The following GNB5 variants were observed in gnomAD, a reference collection of about 807,000 sequenced individuals.
GNB5 encodes the protein G protein subunit beta 5.
A neutral mutation model predicts 55.3 loss-of-function variants in GNB5; 37 were observed. The observed-to-expected ratio is 0.67, with a 90% CI of 0.51 to 0.88. The LOEUF is 0.88. Among genes scored for constraint, GNB5 ranks in the 40% least tolerant of loss-of-function variants. The pLI, the probability that GNB5 is intolerant of heterozygous loss-of-function variation, is 0.00. For synonymous variants in GNB5, 219 were observed against 198.5 expected (o/e 1.10, Z -0.87); for missense variants, 476 against 515.3 (o/e 0.92, Z 0.74).
At chr15:52,153,912 C>T (rs749378809) in intron 4 of GNB5, 28 bp downstream of exon 4, 14 of 1,594,072 alleles carry the variant, frequency 8.8e-6, no homozygotes, top group Non-Finnish European at 1.7e-6. Flanking sequence ...AAAACCCGCT[C>T]ACCTGTTATG....
chr15:52,128,817 T>C (rs1596055724), intron 9 of GNB5: 2 of 445,902 alleles, frequency 4.5e-6, no homozygotes. Context: ...ATTACTGCTA[T>C]AGTCATTGTC....
intron 1 of GNB5, among the ~76,000 whole-genome samples, chr15:52,185,245 G>A (rs1312696455): frequency 5.3e-5 from 8 of 152,254 alleles, no homozygotes; most frequent in African/African-American, 1.9e-4. Context: ...ACAGGCCCAG[G>A]CCGCTGCAGG....
chr15:52,141,382 A>G (rs1043728350), intron 6 of GNB5, 110 bp from the exon 7 acceptor site: 21 of 808,900 alleles, frequency 2.6e-5, no homozygotes, highest in Middle Eastern at 4.8e-4. Context: ...AGTATCATAT[A>G]TTGTACCCTT....
intron 2 of GNB5, 117 bp from the exon 3 acceptor site, chr15:52,179,996 C>T (rs1393443193): frequency 2.4e-6 from 3 of 1,261,518 alleles, no homozygotes; most frequent in Non-Finnish European, 3.0e-6. Flanking sequence ...CCCCGCCCTC[C>T]GCGATGACGC....
At chr15:52,143,190 G>C (rs914174582) in intron 6 of GNB5, among the ~76,000 whole-genome samples, 3 of 151,780 alleles carry the variant, frequency 2.0e-5, no homozygotes, top group African/African-American at 7.3e-5. Flanking sequence ...AGAATGTGTA[G>C]AGAATGATTT....
intron 9 of GNB5, chr15:52,128,871 A>G (rs1047767821): frequency 2.5e-6 from 1 of 403,406 alleles, no homozygotes; most frequent in Admixed American, 2.6e-5. Flanking sequence ...ATTATAAGCC[A>G]GAGGCAGAAT....
chr15:52,177,074 GC>G (rs1566949720), intron 3 of GNB5, among the ~76,000 whole-genome samples: 2 of 121,974 alleles, frequency 1.6e-5, no homozygotes, highest in African/African-American at 6.4e-5. Context: ...TCGCTCTGTC[GC>G]CCAGGCTGGA....
intron 10 of GNB5, among the ~76,000 whole-genome samples, chr15:52,126,696 T>TGGTTTCCTTAGACTA (rs553434501): frequency 6.6e-6 from 1 of 152,224 alleles, no homozygotes; most frequent in Non-Finnish European, 1.5e-5. Context: ...CATGTGTTTC[T>TGGTTTCCTTAGACTA]GGTTTCCTTA....
intron 6 of GNB5, among the ~76,000 whole-genome samples, chr15:52,146,901 A>T (rs1216451222): frequency 3.3e-5 from 5 of 152,088 alleles, no homozygotes; most frequent in East Asian, 3.9e-4. Flanking sequence ...TTCATTTTTA[A>T]AAATACTACA....
At chr15:52,188,929 TG>T (rs2034881552) in intron 1 of GNB5, among the ~76,000 whole-genome samples, 1 of 152,248 alleles carries the variant, frequency 6.6e-6, no homozygotes, top group Non-Finnish European at 1.5e-5. Context: ...GATACAGCTT[TG>T]GTAGTCATGC....
chr15:52,186,663 T>G (rs909145675), intron 1 of GNB5, among the ~76,000 whole-genome samples: 42 of 152,124 alleles, frequency 2.8e-4, no homozygotes, highest in African/African-American at 1.0e-3. Context: ...TTCAAAGAAA[T>G]GAACCCCTGA....
At chr15:52,130,129 C>G (rs975104873) in intron 9 of GNB5, among the ~76,000 whole-genome samples, 1 of 152,176 alleles carries the variant, frequency 6.6e-6, no homozygotes, top group African/African-American at 2.4e-5. Flanking sequence ...GTTGCGAAGA[C>G]AGAATGAGCT....
At chr15:52,128,771 T>C (rs1370349983) in intron 9 of GNB5, 4 of 455,728 alleles carry the variant, frequency 8.8e-6, no homozygotes, top group Non-Finnish European at 1.3e-5. Flanking sequence ...GAATCTGGCA[T>C]GGTGCCAATT....
chr15:52,150,272 T>C (rs1231718697), intron 4 of GNB5, among the ~76,000 whole-genome samples: 1 of 152,178 alleles, frequency 6.6e-6, no homozygotes, highest in African/African-American at 2.4e-5. Flanking sequence ...CAACAAATTA[T>C]ACAGGGGAAA....
intron 1 of GNB5, among the ~76,000 whole-genome samples, chr15:52,190,696 A>T (rs2034909810): frequency 6.6e-6 from 1 of 151,358 alleles, no homozygotes; most frequent in Non-Finnish European, 1.5e-5. Context: ...GGTAGGAGCT[A>T]CTAAAGTGAA....
chr15:52,135,791 T>A, intron 7 of GNB5, 35 bp from the exon 8 acceptor site: 1 of 1,606,068 alleles, frequency 6.2e-7, no homozygotes, highest in East Asian at 2.2e-5. Context: ...TGGGTGGTTG[T>A]GGTTATTGCT....
At chr15:52,152,403 A>G (rs2034117006) in intron 4 of GNB5, among the ~76,000 whole-genome samples, 1 of 151,554 alleles carries the variant, frequency 6.6e-6, no homozygotes, top group South Asian at 2.1e-4. Flanking sequence ...AGCTCACTGC[A>G]ACCTCCGCCT....
At position 52,117,102 on chromosome 15, in the gene GNB5, A is replaced by ATATATATATTTTTTTTT; in HGVS notation, c.*5654_*5655insAAAAAAAAATATATATA. 5.4e-4 allele frequency: 47 copies of ATATATATATTTTTTTTT among 87,090 alleles called. 1 individual carries two copies. Among genetic ancestry groups the ATATATATATTTTTTTTT allele is most frequent in the African/African-American group, 1.8e-3 (30 of 16,442 alleles). The allele number at this position is 87,090 out of a possible 1,614,324, so 5.4% of individuals were successfully genotyped here. A position where few individuals can be genotyped will look rare whatever the true frequency, so the allele number is the denominator to read the frequency against. ...CCACGCCCAGCTAATATATATATATATTTTTTTTTAGTACAGACAGGGTTT... is the reference window on the plus strand; with the variant it reads ...CCACGCCCAGCTAATATATATATATATATATATATTTTTTTTTTTTTTTTTTAGTACAGACAGGGTTT... On this transcript the variant is annotated 3_prime_UTR_variant, in exon 13 of 13. Transcript: ENST00000261837.
rs145358147 is a variant in GNB5 at position 52,178,425 on chromosome 15, T to C, written c.238+1343A>G. 1.1e-3 allele frequency among the ~76,000 whole-genome samples: 164 copies of C among 152,294 alleles called. 1 individual carries two copies. Among genetic ancestry groups the C allele is most frequent in the African/African-American group, 3.8e-3 (156 of 41,562 alleles). On this transcript the variant is annotated intron_variant, in intron 3 of 12. Coordinates refer to ENST00000261837, the MANE Select transcript of GNB5 (RefSeq NM_016194.4). ...TCCATATTCCCCCTTCTTCCTGCCTTGGATACAGAAGTGATGTTTGGAGCT... is the reference window on the plus strand; with the variant it reads ...TCCATATTCCCCCTTCTTCCTGCCTCGGATACAGAAGTGATGTTTGGAGCT...
Sources: gnomAD v4.1 joint callset for allele counts (sites outside exome capture counted in the v4.1 genomes callset) on GRCh38, gnomAD v4.1.1 for gene constraint, MANE v1.5 for transcripts, NCBI Gene and HGNC (gene_info 2026-07-23, HGNC 2026-07-21) for gene names.